The following LYST variants were observed in gnomAD, a reference collection of about 807,000 sequenced individuals.
LYST encodes the protein lysosomal-trafficking regulator.
LYST carries 192 observed loss-of-function variants against 413.6 expected under a neutral mutation model. The ratio of observed to expected loss-of-function variants is 0.46; its 90% CI spans 0.41 to 0.52. LYST has a LOEUF of 0.52. Ranked by LOEUF, LYST falls within the 20% of genes least tolerant of loss-of-function variation. The pLI, the probability that LYST is intolerant of heterozygous loss-of-function variation, is 0.00. For missense variants in LYST, 3,815 were observed against 4,499.9 expected (o/e 0.85, Z 4.35); for synonymous variants, 1,525 against 1,567.3 (o/e 0.97, Z 0.64).
At chr1:235,767,039 A>C in intron 20 of LYST, among the ~76,000 whole-genome samples, 1 of 152,116 alleles carries the variant, frequency 6.6e-6, no homozygotes, top group East Asian at 1.9e-4. Context: ...TTATAACTCA[A>C]ACTCAGGCCT....
intron 48 of LYST, among the ~76,000 whole-genome samples, chr1:235,685,100 A>G (rs1241957102): frequency 6.6e-6 from 1 of 152,198 alleles, no homozygotes; most frequent in Non-Finnish European, 1.5e-5. Flanking sequence ...GCTCTTGTGT[A>G]AACTATTTCC....
At chr1:235,696,854 A>G (rs1446395428) in intron 46 of LYST, among the ~76,000 whole-genome samples, 5 of 152,158 alleles carry the variant, frequency 3.3e-5, no homozygotes. Flanking sequence ...TGTGAACATA[A>G]CCATCTATTC....
chr1:235,820,818 G>A (rs957204682), intron 3 of LYST, among the ~76,000 whole-genome samples: 1 of 152,030 alleles, frequency 6.6e-6, no homozygotes, highest in Non-Finnish European at 1.5e-5. Context: ...TCTAATATAT[G>A]TGTATATACA....
rs1353895672 is a variant in LYST, at chr1:235,674,794, A to AAGCC, written c.11038+2293_11038+2296dup. ...ACAGCCCCCAGTAAAACAATCACAA[A>AAGCC]AGCCCTACAGGGCCTTACCACCCTA... On this transcript the variant is annotated intron_variant, in intron 50 of 52. Coordinates refer to ENST00000389793, the MANE Select transcript of LYST (RefSeq NM_000081.4). The surrounding 1 kb of genome is among the most constrained non-coding windows in gnomAD (Gnocchi z 4.1). 1.3e-5 allele frequency among the ~76,000 whole-genome samples: 2 copies of AAGCC among 152,262 alleles called. No homozygotes were observed. The highest frequency in any genetic ancestry group is 3.9e-4 in the East Asian group (2 of 5,178).
chr1:235,732,922 T>C (rs1303909652), intron 34 of LYST, among the ~76,000 whole-genome samples: 1 of 152,214 alleles, frequency 6.6e-6, no homozygotes, highest in Non-Finnish European at 1.5e-5. Context: ...AAAATTAAGG[T>C]TAAAATCCAT....
At chr1:235,712,892 C>T (rs1662518244) in intron 42 of LYST, 2 of 984,908 alleles carry the variant, frequency 2.0e-6, no homozygotes, top group Non-Finnish European at 1.2e-6. Flanking sequence ...GACTTTCTAG[C>T]CATAGGGAAA....
At chr1:235,702,631 C>T in intron 45 of LYST, 116 bp downstream of exon 45, 1 of 865,454 alleles carries the variant, frequency 1.2e-6, no homozygotes, top group Non-Finnish European at 1.9e-6. Flanking sequence ...CTGTCTTGCA[C>T]TGACTGGCAC....
chr1:235,880,969 T>TA (rs1377334006), intron 1 of LYST, among the ~76,000 whole-genome samples: 1 of 151,810 alleles, frequency 6.6e-6, no homozygotes, highest in Non-Finnish European at 1.5e-5. Flanking sequence ...CTACAAAAAA[T>TA]AAAAAAATTA....
At chr1:235,800,523 C>T (rs1202801340) in intron 9 of LYST, 137 bp from the exon 10 acceptor site, 1 of 629,744 alleles carries the variant, frequency 1.6e-6, no homozygotes, top group East Asian at 2.8e-5. Flanking sequence ...AAAAAGACTA[C>T]TATGTGTAGG....
At chr1:235,800,678 T>A (rs796713883) in intron 9 of LYST, among the ~76,000 whole-genome samples, 193 bp downstream of exon 9, 7 of 152,322 alleles carry the variant, frequency 4.6e-5, no homozygotes, top group African/African-American at 1.7e-4. Context: ...GACATTAATT[T>A]TCTATGCTAC....
chr1:235,851,208 A>C (rs1678493168), intron 1 of LYST, among the ~76,000 whole-genome samples: 1 of 151,512 alleles, frequency 6.6e-6, no homozygotes, highest in African/African-American at 2.4e-5. Context: ...ATATATGATG[A>C]AATACAATGC....
At position 235,716,742 on chromosome 1, in the gene LYST, T is replaced by C. The variant is rs773620740; in HGVS notation, c.9597A>G (p.Glu3199=). ...LSKPIAVQYK[E]KEDRYVDTYK... is the part of the protein sequence containing the mutation. ...ATGTGTCCACATAACGATCTTCTTT[T>C]TCTTTATACTGAACAGCTATAGGTT... Residue 3199 remains glutamate, a synonymous_variant, in exon 41 of 53, where the codon GAA becomes GAG. Coordinates refer to ENST00000389793, the MANE Select transcript of LYST (RefSeq NM_000081.4). 3 of 1,597,432 alleles carry C rather than the reference T, an allele frequency of 1.9e-6. No individual in the cohort carries two copies. The highest frequency in any genetic ancestry group is 4.5e-5 in the East Asian group (2 of 44,676).
chr1:235,849,766 C>G (rs1288469710), intron 1 of LYST, among the ~76,000 whole-genome samples: 2 of 51,082 alleles, frequency 3.9e-5, no homozygotes, highest in African/African-American at 1.6e-4. Context: ...ACCCCTTTTA[C>G]AATAGCTCCA....
intron 50 of LYST, among the ~76,000 whole-genome samples, chr1:235,669,377 A>T (rs745631177): frequency 6.6e-5 from 10 of 152,252 alleles, no homozygotes; most frequent in Middle Eastern, 3.2e-3. Flanking sequence ...TTCCAGGCCT[A>T]AAGAACAAAA....
chr1:235,865,245 T>C (rs1218796518), intron 1 of LYST, among the ~76,000 whole-genome samples: 1 of 152,142 alleles, frequency 6.6e-6, no homozygotes, highest in African/African-American at 2.4e-5. Flanking sequence ...GCTCAAATGA[T>C]ATCTTTTCTA....
rs988581489 is a variant in LYST, at chr1:235,677,182, G to A, written c.10947C>T (p.Cys3649=). 3 of 1,609,790 alleles carry A rather than the reference G, an allele frequency of 1.9e-6. No individual in the cohort carries two copies. The highest frequency in any genetic ancestry group is 4.5e-5 in the East Asian group (2 of 44,842). Residue 3649 remains cysteine (C), a synonymous_variant, in exon 50 of 53, where the codon TGC becomes TGT. Coordinates refer to ENST00000389793, the MANE Select transcript of LYST (RefSeq NM_000081.4). ...TGTGTCCCGCCAGACTTTGTACATA[G>A]CATAACCTGAAAGAAAAAAGACATG... ...TCIIWDLNRL[C]YVQSLAGHKS... is the part of the protein sequence containing the mutation.
At chr1:235,715,880 AG>A (rs1172672236) in intron 41 of LYST, among the ~76,000 whole-genome samples, 159 of 141,020 alleles carry the variant, frequency 1.1e-3, no homozygotes, top group African/African-American at 4.9e-3. Flanking sequence ...AAAAAAAAAA[AG>A]AATATGGTGA....
chr1:235,780,964 G>C lies in LYST; in HGVS notation c.5115C>G (p.Val1705=), dbSNP rs754011092. 2.5e-6 allele frequency: 4 copies of C among 1,605,648 alleles called. No individual in the cohort carries two copies. Among genetic ancestry groups the C allele is most frequent in the Non-Finnish European group, 3.4e-6 (4 of 1,173,646 alleles). The change falls in exon 16 of 53, where the codon GTC becomes GTG. Residue 1705 remains valine, a synonymous_variant. Coordinates refer to ENST00000389793, the MANE Select transcript of LYST (RefSeq NM_000081.4). ...SVMPCKYGKP[V]NDYSKYINKE... is the part of the protein sequence containing the mutation. ...TATTAATATATTTGGAGTAGTCATT[G>C]ACTGGCTTGCCATACTTACATGGCA...
At chr1:235,790,325 C>T (rs1445137934) in intron 12 of LYST, among the ~76,000 whole-genome samples, 1 of 152,136 alleles carries the variant, frequency 6.6e-6, no homozygotes, top group Non-Finnish European at 1.5e-5. Context: ...TTACCAGCTA[C>T]ATAACTTGGT....
Sources: gnomAD v4.1 joint callset for allele counts (sites outside exome capture counted in the v4.1 genomes callset) on GRCh38, gnomAD v4.1.1 for gene constraint, Gnocchi (gnomAD v3.1) non-coding constraint, MANE v1.5 for transcripts, NCBI Gene and HGNC (gene_info 2026-07-23, HGNC 2026-07-21) for gene names.